KLHL29: variants seen among roughly 807,000 people sequenced by gnomAD.
The protein encoded by KLHL29 is kelch like family member 29.
In KLHL29, 21 loss-of-function variants were observed where a neutral mutation model predicts 80.4. That is an observed-to-expected ratio of 0.26 (90% CI 0.19 to 0.38). The LOEUF is 0.38. KLHL29 is among the 10% of genes least tolerant of loss of function. The pLI, the probability that KLHL29 is intolerant of heterozygous loss-of-function variation, is 1.00. For synonymous variants in KLHL29, 511 were observed against 526.8 expected (o/e 0.97, Z 0.41); for missense variants, 867 against 1,223.9 (o/e 0.71, Z 4.35).
intron 1 of KLHL29, among the ~76,000 whole-genome samples, chr2:23,415,434 G>A (rs1396241105): frequency 3.9e-5 from 6 of 152,220 alleles, no homozygotes; most frequent in Non-Finnish European, 5.9e-5. Flanking sequence ...AAGGTGATTA[G>A]GTTGTTTGAT....
In KLHL29 at chr2:23,696,129, C is replaced by G. The variant is rs1671938439; in HGVS notation, c.1920C>G (p.Leu640=). ...SVVSAGDNIY[L]SGGMESGVTL... ...TGAGTGCAGGGGACAACATCTACCT[C>G]TCAGGTGAGGCCCCCCGGGGTTGGG... The change falls in exon 10 of 14, where the codon CTC becomes CTG. Residue 640 remains leucine (L), a synonymous_variant. Coordinates refer to ENST00000486442, the MANE Select transcript of KLHL29 (RefSeq NM_052920.2). The surrounding 1 kb of genome is among the most constrained non-coding windows in gnomAD (Gnocchi z 5.5). 1 of 1,551,144 alleles carries G rather than the reference C, an allele frequency of 6.4e-7. No homozygotes were observed. The highest frequency in any genetic ancestry group is 1.2e-5 in the South Asian group (1 of 84,002).
intron 1 of KLHL29, among the ~76,000 whole-genome samples, chr2:23,416,995 A>C (rs1408298333): frequency 1.3e-5 from 2 of 151,992 alleles, no homozygotes; most frequent in East Asian, 3.9e-4. Flanking sequence ...ACCCCAGCCC[A>C]AATCTCTTCC....
At chr2:23,554,665 G>T (rs949884862) in intron 2 of KLHL29, among the ~76,000 whole-genome samples, 1 of 152,186 alleles carries the variant, frequency 6.6e-6, no homozygotes, top group Non-Finnish European at 1.5e-5. Flanking sequence ...GAGCTCAGGT[G>T]CACGAAGCAT....
At chr2:23,597,309 A>ACGTG (rs1668436125) in intron 3 of KLHL29, among the ~76,000 whole-genome samples, 1 of 100,522 alleles carries the variant, frequency 9.9e-6, no homozygotes, top group Non-Finnish European at 1.8e-5. Context: ...ATATATATAT[A>ACGTG]TGTGTGTGTG....
At chr2:23,557,926 C>T (rs530522409) in intron 2 of KLHL29, among the ~76,000 whole-genome samples, 26 of 152,150 alleles carry the variant, frequency 1.7e-4, no homozygotes, top group African/African-American at 5.1e-4. Context: ...CAAAGATTCA[C>T]GCCCCCAGTA....
chr2:23,416,851 C>T (rs1050359966), intron 1 of KLHL29, among the ~76,000 whole-genome samples: 1 of 152,162 alleles, frequency 6.6e-6, no homozygotes, highest in Non-Finnish European at 1.5e-5. Context: ...TTCCCAAATC[C>T]GTATCTTCAG....
intron 3 of KLHL29, among the ~76,000 whole-genome samples, chr2:23,607,073 C>T (rs1668746942): frequency 6.6e-6 from 1 of 152,230 alleles, no homozygotes. Context: ...GCCCCACCCT[C>T]ATGACCTAAT....
At chr2:23,508,491 T>G (rs780234327) in intron 2 of KLHL29, among the ~76,000 whole-genome samples, 1 of 152,250 alleles carries the variant, frequency 6.6e-6, no homozygotes, top group Non-Finnish European at 1.5e-5. Flanking sequence ...CTTTGAGGAC[T>G]TAGCCTCAGA....
chr2:23,550,104 C>T (rs1257490296), intron 2 of KLHL29, among the ~76,000 whole-genome samples: 4 of 152,092 alleles, frequency 2.6e-5, no homozygotes, highest in Admixed American at 2.6e-4. Flanking sequence ...AACAGCCCTC[C>T]CTCCCTGAAG....
intron 1 of KLHL29, among the ~76,000 whole-genome samples, chr2:23,447,695 G>A (rs1025051506): frequency 1.2e-4 from 18 of 152,150 alleles, no homozygotes; most frequent in Admixed American, 3.3e-4. Context: ...ATATCCCTTA[G>A]CCAAAATTCT....
Position 23,670,976 on chromosome 2 carries a change from CTCTCCCTCCCT to C in KLHL29, c.941-13422_941-13412del, listed in dbSNP as rs1670719390. Among the ~76,000 whole-genome samples the C allele has an allele frequency of 3.0e-4, 6 of 19,844 alleles. 1 individual carries two copies. The highest frequency in any genetic ancestry group is 2.3e-4 in the African/African-American group (2 of 8,678). The allele number at this position is 19,844 out of a possible 152,430, so 13.0% of individuals were successfully genotyped here. On this transcript the variant is annotated intron_variant, in intron 5 of 13. Coordinates refer to ENST00000486442, the MANE Select transcript of KLHL29 (RefSeq NM_052920.2). Reference sequence around the variant, plus strand: ...TCTCTCTCTCTCTCTCTCTCTCTCTCTCTCCCTCCCTCCCTCCCTCCCTCCCCCCCCCCACC... The same window carrying C: ...TCTCTCTCTCTCTCTCTCTCTCTCTCCCCTCCCTCCCTCCCCCCCCCCACC...
At chr2:23,529,110 T>C (rs1017186160) in intron 2 of KLHL29, among the ~76,000 whole-genome samples, 2 of 152,210 alleles carry the variant, frequency 1.3e-5, no homozygotes, top group African/African-American at 4.8e-5. Context: ...AAGCCCCTTT[T>C]TACTAATTTT....
At chr2:23,671,314 T>A (rs1670750934) in intron 5 of KLHL29, among the ~76,000 whole-genome samples, 1 of 152,058 alleles carries the variant, frequency 6.6e-6, no homozygotes, top group East Asian at 1.9e-4. Context: ...CTCTGCTGCC[T>A]GCCCCATGCC....
At chr2:23,505,952 C>T (rs970783339) in intron 2 of KLHL29, among the ~76,000 whole-genome samples, 1 of 152,182 alleles carries the variant, frequency 6.6e-6, no homozygotes, top group African/African-American at 2.4e-5. Context: ...CTGCCAATGC[C>T]AGGCAGCTCC....
intron 1 of KLHL29, among the ~76,000 whole-genome samples, chr2:23,406,103 C>T (rs1361398752): frequency 2.6e-5 from 4 of 152,156 alleles, no homozygotes; most frequent in South Asian, 2.1e-4. Flanking sequence ...CCAAGGCAGG[C>T]GGATCATTTG....
At chr2:23,408,264 A>G (rs1016153975) in intron 1 of KLHL29, among the ~76,000 whole-genome samples, 6 of 8,826 alleles carry the variant, frequency 6.8e-4, no homozygotes, top group African/African-American at 2.3e-3. Context: ...ATTTCACGCT[A>G]AAAAAAAAAA....
Position 23,599,819 on chromosome 2 carries a change from G to A in KLHL29, c.285+37338G>A, listed in dbSNP as rs546259116. The stretch of plus-strand genomic sequence containing the variant: ...GATCCCAGCTTCTTTGTGTGTGCCC[G>A]CCCGACGCCACGTCCCTCCTCCCGT... On this transcript the variant is annotated intron_variant, in intron 3 of 13. Transcript: ENST00000486442. Among the ~76,000 whole-genome samples the A allele has an allele frequency of 5.6e-4, 85 of 152,262 alleles. 1 individual carries two copies. The highest frequency in any genetic ancestry group is 9.1e-4 in the Admixed American group (14 of 15,302).
intron 2 of KLHL29, among the ~76,000 whole-genome samples, chr2:23,510,036 C>A (rs1477449797): frequency 6.6e-6 from 1 of 152,052 alleles, no homozygotes. Context: ...CAGAGTTAAT[C>A]ACACTGGCTA....
chr2:23,434,345 A>AG (rs1663276860), intron 1 of KLHL29, among the ~76,000 whole-genome samples: 1 of 148,580 alleles, frequency 6.7e-6, no homozygotes, highest in African/African-American at 2.5e-5. Flanking sequence ...AAAAAAAAAA[A>AG]GCTAGGCTCC....
Sources: gnomAD v4.1 joint callset for allele counts (sites outside exome capture counted in the v4.1 genomes callset) on GRCh38, gnomAD v4.1.1 for gene constraint, Gnocchi (gnomAD v3.1) non-coding constraint, MANE v1.5 for transcripts, NCBI Gene and HGNC (gene_info 2026-07-23, HGNC 2026-07-21) for gene names.